ABCA10: variants seen among roughly 807,000 people sequenced by gnomAD.
ABCA10 encodes the protein ATP binding cassette subfamily A member 10.
In ABCA10, 169 loss-of-function variants were observed where a neutral mutation model predicts 187.5. The observed-to-expected ratio is 0.90, with a 90% CI of 0.80 to 1.02. The LOEUF is 1.02. Ranked by LOEUF, ABCA10 falls within the 50% of genes least tolerant of loss-of-function variation. ABCA10 has a pLI of 0.00. For missense variants in ABCA10, 1,727 were observed against 1,812.4 expected (o/e 0.95, Z 0.86); for synonymous variants, 574 against 601.8 (o/e 0.95, Z 0.68).
At chr17:69,239,655 T>TC (rs1286754091) in intron 1 of ABCA10, among the ~76,000 whole-genome samples, 3 of 152,114 alleles carry the variant, frequency 2.0e-5, no homozygotes, top group East Asian at 1.9e-4. Flanking sequence ...AGTAATTGTG[T>TC]CCCCATGGTT....
At chr17:69,216,477 TG>T in intron 6 of ABCA10, 119 bp from the exon 7 acceptor site, 1 of 1,175,244 alleles carries the variant, frequency 8.5e-7, no homozygotes, top group Non-Finnish European at 1.2e-6. Flanking sequence ...TCTAAATGGG[TG>T]GCCATACACA....
intron 9 of ABCA10, among the ~76,000 whole-genome samples, chr17:69,207,730 A>G (rs1331477608): frequency 2.6e-5 from 4 of 152,166 alleles, no homozygotes; most frequent in Admixed American, 1.3e-4. Flanking sequence ...AAAGAATAGA[A>G]TCTTGGCTAC....
intron 37 of ABCA10, chr17:69,149,317 TTTAG>T: frequency 2.0e-6 from 1 of 508,164 alleles, no homozygotes; most frequent in South Asian, 3.2e-5. Context: ...TGTGTCCTAT[TTTAG>T]TATTATCCTT....
At chr17:69,158,091 T>G (rs1229543269) in intron 27 of ABCA10, among the ~76,000 whole-genome samples, 1 of 151,864 alleles carries the variant, frequency 6.6e-6, no homozygotes, top group African/African-American at 2.4e-5. Context: ...ACTCAGGAAT[T>G]GAGGGATTTA....
At position 69,174,454 on chromosome 17, in the gene ABCA10, AGG is replaced by A. The variant is rs2074319042; in HGVS notation, c.3049-62_3049-61del. On this transcript the variant is annotated intron_variant, in intron 24 of 38. Transcript: ENST00000690296. ...ATGGCAGGTCATAGAGGGAAAGAGG[AGG>A]GGAGATAATCAGGTCATAAAGCTGC... 2.7e-6 allele frequency: 4 copies of A among 1,464,946 alleles called. No homozygotes were observed. In the Admixed American group the frequency reaches 6.3e-5, roughly 23 times the overall value. The allele number at this position is 1,464,946 out of a possible 1,614,324, so 90.7% of individuals were successfully genotyped here. A position where few individuals can be genotyped will look rare whatever the true frequency, so the allele number is the denominator to read the frequency against.
chr17:69,239,998 A>G (rs1161434218), intron 1 of ABCA10, among the ~76,000 whole-genome samples: 4 of 152,110 alleles, frequency 2.6e-5, no homozygotes, highest in Non-Finnish European at 4.4e-5. Flanking sequence ...TGCTTTTTCC[A>G]TGCAGGAAGC....
chr17:69,165,157 C>T, intron 25 of ABCA10, 74 bp from the exon 26 acceptor site: 1 of 1,254,722 alleles, frequency 8.0e-7, no homozygotes, highest in Non-Finnish European at 1.1e-6. Flanking sequence ...TGTGAATAAC[C>T]TGTTTTCCTG....
intron 1 of ABCA10, among the ~76,000 whole-genome samples, chr17:69,240,492 T>C (rs1012043595): frequency 6.6e-6 from 1 of 152,228 alleles, no homozygotes; most frequent in African/African-American, 2.4e-5. Flanking sequence ...GGCCATTCTA[T>C]GGTCCCAGAA....
Position 69,216,206 on chromosome 17 carries a change from T to C in ABCA10, c.672+11A>G, listed in dbSNP as rs184579363. 1.2e-6 allele frequency: 2 copies of C among 1,605,588 alleles called. No homozygotes were observed. The highest frequency in any genetic ancestry group is 4.5e-5 in the East Asian group (2 of 44,784). ...AACAGGTTAAGAGGTAATATGCTTTTACCAACTCACCAAAGAAAGGCCATA... is the reference window on the plus strand; with the variant it reads ...AACAGGTTAAGAGGTAATATGCTTTCACCAACTCACCAAAGAAAGGCCATA... On this transcript the variant is annotated intron_variant, in intron 7 of 38. Transcript: ENST00000690296.
In ABCA10 at chr17:69,185,379, A is replaced by T. The variant is rs913428206; in HGVS notation, c.2497+98T>A. On this transcript the variant is annotated intron_variant, in intron 20 of 38. Coordinates refer to ENST00000690296, the MANE Select transcript of ABCA10 (RefSeq NM_001377321.1). ...TTCATTTGAAAATGGAGCAAGCTGGATAGACACCATTTTTGTTTTCAATTG... is the reference window on the plus strand; with the variant it reads ...TTCATTTGAAAATGGAGCAAGCTGGTTAGACACCATTTTTGTTTTCAATTG... 3.2e-6 allele frequency: 4 copies of T among 1,264,788 alleles called. No homozygotes were observed. In the South Asian group the frequency reaches 6.1e-5, roughly 19 times the overall value. The allele number at this position is 1,264,788 out of a possible 1,614,324, so 78.3% of individuals were successfully genotyped here.
In ABCA10 at chr17:69,216,264, CAGT is replaced by C; in HGVS notation, c.622_624del (p.Thr208del). ...TAGAGTGTGAATATCACCATGAAGCCAGTATGAAATACAATTGGGATTGATGTT... is the reference window on the plus strand; with the variant it reads ...TAGAGTGTGAATATCACCATGAAGCCATGAAATACAATTGGGATTGATGTT... On this transcript the variant is annotated inframe_deletion, in exon 7 of 39. Coordinates refer to ENST00000690296, the MANE Select transcript of ABCA10 (RefSeq NM_001377321.1). 1.2e-6 allele frequency: 2 copies of C among 1,613,466 alleles called. No individual in the cohort carries two copies. The highest frequency in any genetic ancestry group is 1.7e-6 in the Non-Finnish European group (2 of 1,179,738).
At chr17:69,241,043 T>C (rs2074900560) in intron 1 of ABCA10, among the ~76,000 whole-genome samples, 1 of 152,196 alleles carries the variant, frequency 6.6e-6, no homozygotes, top group Admixed American at 6.5e-5. Context: ...CACTTGGATG[T>C]CTAATGAGCA....
rs769798989 is a variant in ABCA10, at chr17:69,153,496, G to A, written c.4016C>T (p.Thr1339Ile). The change falls in exon 33 of 39, where the codon ACT becomes ATT. Residue 1339 changes from threonine (T) to isoleucine (I), a missense_variant. Transcript: ENST00000690296. ...CTTTCTCTTTATTCCCTCTGATAGA[G>A]TTTTCACAGGAGCCTTAAGTTGTTC... is the stretch of plus-strand genomic sequence containing the variant. ...LQEQLKAPVK[T>I]LSEGIKRKLC... 1 of 1,614,042 alleles carries A rather than the reference G, an allele frequency of 6.2e-7. No homozygotes were observed. The highest frequency in any genetic ancestry group is 1.1e-5 in the South Asian group (1 of 91,088).
intron 3 of ABCA10, among the ~76,000 whole-genome samples, chr17:69,222,964 A>C (rs1247236336): frequency 6.7e-6 from 1 of 149,454 alleles, no homozygotes; most frequent in Non-Finnish European, 1.5e-5. Context: ...AACTGAATTT[A>C]TGTGCCTATG....
At chr17:69,157,899 T>G (rs568159861) in intron 27 of ABCA10, among the ~76,000 whole-genome samples, 1 of 152,094 alleles carries the variant, frequency 6.6e-6, no homozygotes, top group Non-Finnish European at 1.5e-5. Context: ...TAATATCTTC[T>G]TGACCTTAGG....
chr17:69,190,525 G>T, intron 17 of ABCA10, 48 bp from the exon 18 acceptor site: 1 of 1,472,474 alleles, frequency 6.8e-7, no homozygotes, highest in Non-Finnish European at 9.0e-7. Context: ...TTATCAATGA[G>T]TATATTAAAA....
In ABCA10 at chr17:69,175,569, A is replaced by T. The variant is rs889953287; in HGVS notation, c.2770-56T>A. On this transcript the variant is annotated intron_variant, in intron 22 of 38. Coordinates refer to ENST00000690296, the MANE Select transcript of ABCA10 (RefSeq NM_001377321.1). ...TGCAATTGTTACAAATTATACAAAC[A>T]TTATAAGATACGTTTCCAGGAAATA... 1.5e-5 allele frequency: 20 copies of T among 1,323,502 alleles called. No individual in the cohort carries two copies. In the East Asian group the frequency reaches 4.9e-4, roughly 32 times the overall value. 82.0% of individuals were successfully genotyped at this position (1,323,502 alleles called of 1,614,324 possible).
At chr17:69,214,529 T>A (rs1000906693) in intron 9 of ABCA10, among the ~76,000 whole-genome samples, 175 bp downstream of exon 9, 3 of 140,492 alleles carry the variant, frequency 2.1e-5, no homozygotes, top group Admixed American at 1.4e-4. Flanking sequence ...AAAAAAAAAA[T>A]GATTCAGTTC....
chr17:69,155,998 A>G, intron 28 of ABCA10, 73 bp from the exon 29 acceptor site: 1 of 1,450,578 alleles, frequency 6.9e-7, no homozygotes, highest in Non-Finnish European at 9.2e-7. Flanking sequence ...AAACCCCTAT[A>G]ATTAAATTAT....
Sources: gnomAD v4.1 joint callset for allele counts (sites outside exome capture counted in the v4.1 genomes callset) on GRCh38, gnomAD v4.1.1 for gene constraint, MANE v1.5 for transcripts, NCBI Gene and HGNC (gene_info 2026-07-23, HGNC 2026-07-21) for gene names.